Variants in NCAM2 observed in about 807,000 individuals in gnomAD.
The protein encoded by NCAM2 is neural cell adhesion molecule 2.
NCAM2 carries 30 observed loss-of-function variants against 98.1 expected under a neutral mutation model. The ratio of observed to expected loss-of-function variants is 0.31; its 90% CI spans 0.23 to 0.41. The LOEUF (loss-of-function observed/expected upper bound fraction) is 0.41. Ranked by LOEUF, NCAM2 falls within the 10% of genes least tolerant of loss-of-function variation. NCAM2 has a pLI of 1.00. For missense variants in NCAM2, 867 were observed against 1,005.8 expected (o/e 0.86, Z 1.87); for synonymous variants, 368 against 342.4 (o/e 1.07, Z -0.83).
chr21:21,004,447 G>T (rs577333917), intron 1 of NCAM2, among the ~76,000 whole-genome samples: 3 of 152,094 alleles, frequency 2.0e-5, no homozygotes, highest in African/African-American at 7.2e-5. Context: ...CTGGAACTGG[G>T]AGTAGATTTT....
Position 21,438,550 on chromosome 21 carries a change from A to T in NCAM2, c.1654+6269A>T, listed in dbSNP as rs1167116420. On this transcript the variant is annotated intron_variant, in intron 12 of 17. Transcript: ENST00000400546. ...AACCAGTCACATATCAACAACTCGA[A>T]CTATAGAGATATAGAATGTGAGTCA... Among the ~76,000 whole-genome samples, 3 of 152,226 alleles carry T rather than the reference A, an allele frequency of 2.0e-5. No individual in the cohort carries two copies. The East Asian group carries it at 5.8e-4, about 29-fold the overall frequency.
chr21:21,535,350 A>G (rs1989925810), intron 17 of NCAM2, among the ~76,000 whole-genome samples: 2 of 152,132 alleles, frequency 1.3e-5, no homozygotes, highest in South Asian at 2.1e-4. Flanking sequence ...TAACAAAACC[A>G]TGGTGGTCAC....
At chr21:21,199,484 G>C (rs1305944302) in intron 1 of NCAM2, among the ~76,000 whole-genome samples, 1 of 152,294 alleles carries the variant, frequency 6.6e-6, no homozygotes, top group East Asian at 1.9e-4. Context: ...CCAGGCCCAA[G>C]GGAGCAAGAC....
rs1432557332 is a variant in NCAM2 at position 21,244,975 on chromosome 21, G to A, written c.56-35603G>A. Among the ~76,000 whole-genome samples the A allele has an allele frequency of 2.0e-5, 3 of 151,700 alleles. 1 individual carries two copies. Among genetic ancestry groups the A allele is most frequent in the African/African-American group, 4.8e-5 (2 of 41,308 alleles). Reference sequence around the variant, plus strand: ...CTGTAACACACAGAACCAGAAGTCCGAATTCTTCAAATCAAGATAGACATA... The same window carrying A: ...CTGTAACACACAGAACCAGAAGTCCAAATTCTTCAAATCAAGATAGACATA... On this transcript the variant is annotated intron_variant, in intron 1 of 17. Coordinates refer to ENST00000400546, the MANE Select transcript of NCAM2 (RefSeq NM_004540.5).
Position 21,286,408 on chromosome 21 carries a change from C to T in NCAM2, c.477C>T (p.Ser159=), listed in dbSNP as rs760416040. 51 of 1,611,306 alleles carry T rather than the reference C, an allele frequency of 3.2e-5. No individual in the cohort carries two copies. Among genetic ancestry groups the T allele is most frequent in the South Asian group, 2.0e-4 (18 of 90,888 alleles). The change falls in exon 4 of 18, where the codon TCC becomes TCT. Residue 159 remains serine (S), a synonymous_variant. Transcript: ENST00000400546. ...ATAATGAGGAAGTCACCACTATTTC[C>T]GACAGTTAGTATTTTGGTAACTCCC... The part of the protein sequence containing the change: ...LYHNEEVTTI[S]DNRFAMLANN...
intron 15 of NCAM2, among the ~76,000 whole-genome samples, chr21:21,481,241 T>C (rs1985854080): frequency 6.6e-6 from 1 of 151,796 alleles, no homozygotes; most frequent in Non-Finnish European, 1.5e-5. Flanking sequence ...AGTTAAGAAC[T>C]GAGTTCCAAG....
chr21:21,226,350 A>T (rs1228983818), intron 1 of NCAM2, among the ~76,000 whole-genome samples: 2 of 152,130 alleles, frequency 1.3e-5, no homozygotes, highest in Non-Finnish European at 2.9e-5. Flanking sequence ...TGGATTTCAG[A>T]ATAGGCAACA....
At chr21:21,155,877 T>C (rs945970463) in intron 1 of NCAM2, among the ~76,000 whole-genome samples, 1 of 152,042 alleles carries the variant, frequency 6.6e-6, no homozygotes, top group African/African-American at 2.4e-5. Context: ...CAGAAAATAC[T>C]AGCAGATACT....
chr21:21,401,038 G>T (rs1200842668), intron 9 of NCAM2, among the ~76,000 whole-genome samples: 1 of 152,142 alleles, frequency 6.6e-6, no homozygotes, highest in Non-Finnish European at 1.5e-5. Context: ...AAACTTAAAA[G>T]CAGAAACTCA....
intron 1 of NCAM2, among the ~76,000 whole-genome samples, chr21:21,253,758 A>G (rs866232400): frequency 1.9e-4 from 29 of 152,198 alleles, no homozygotes; most frequent in Non-Finnish European, 3.2e-4. Context: ...TACACTAGAA[A>G]AGTATTCAAA....
intron 15 of NCAM2, among the ~76,000 whole-genome samples, chr21:21,508,511 T>A (rs1482133431): frequency 6.6e-6 from 1 of 152,026 alleles, no homozygotes; most frequent in African/African-American, 2.4e-5. Flanking sequence ...AGGGATATGA[T>A]AATATTCATT....
chr21:21,107,314 A>G (rs1012101481), intron 1 of NCAM2, among the ~76,000 whole-genome samples: 1 of 152,128 alleles, frequency 6.6e-6, no homozygotes, highest in Non-Finnish European at 1.5e-5. Context: ...GATCTAGTAA[A>G]TGGTGGTGCA....
In NCAM2 at chr21:21,480,385, A is replaced by AG. The variant is rs1044493279; in HGVS notation, c.2077+2914_2077+2915insG. On this transcript the variant is annotated intron_variant, in intron 15 of 17. Transcript: ENST00000400546. ...CCATCTCAAAAAAAAAAAAAAAAAAAAAGAATAACTGCAACTAAGAGAGAT... is the reference window on the plus strand; with the variant it reads ...CCATCTCAAAAAAAAAAAAAAAAAAAGAAGAATAACTGCAACTAAGAGAGAT... 4.0e-4 allele frequency among the ~76,000 whole-genome samples: 60 copies of AG among 151,152 alleles called. No individual in the cohort carries two copies. In the East Asian group the frequency reaches 0.01, roughly 26 times the overall value.
chr21:21,103,600 A>G (rs2066287399), intron 1 of NCAM2, among the ~76,000 whole-genome samples: 1 of 152,128 alleles, frequency 6.6e-6, no homozygotes, highest in South Asian at 2.1e-4. Flanking sequence ...TCGAGGGAAA[A>G]AAATCCATAA....
At chr21:21,352,203 T>G (rs537984323) in intron 8 of NCAM2, among the ~76,000 whole-genome samples, 1 of 152,322 alleles carries the variant, frequency 6.6e-6, no homozygotes, top group South Asian at 2.1e-4. Flanking sequence ...GTAGCAGGAC[T>G]ACAGGCACAT....
intron 9 of NCAM2, among the ~76,000 whole-genome samples, chr21:21,384,449 T>C (rs1184140681): frequency 6.6e-6 from 1 of 151,846 alleles, no homozygotes; most frequent in Non-Finnish European, 1.5e-5. Flanking sequence ...ATAGTATTTC[T>C]TTACATACAT....
intron 9 of NCAM2, among the ~76,000 whole-genome samples, chr21:21,402,446 A>G (rs923268227): frequency 6.6e-6 from 1 of 152,124 alleles, no homozygotes; most frequent in Non-Finnish European, 1.5e-5. Context: ...ATTTGAGGTC[A>G]GACTGGTTCT....
chr21:21,318,612 T>C (rs148450527), intron 5 of NCAM2, among the ~76,000 whole-genome samples: 2,633 of 152,316 alleles, frequency 0.017, 76 homozygotes, highest in African/African-American at 0.06. Context: ...AATTGTATAA[T>C]GTCTACTGAG....
At chr21:21,024,679 C>T (rs2064505482) in intron 1 of NCAM2, among the ~76,000 whole-genome samples, 1 of 152,082 alleles carries the variant, frequency 6.6e-6, no homozygotes, top group African/African-American at 2.4e-5. Flanking sequence ...AGTTCGAGAC[C>T]AGCCTGGCCA....
Sources: gnomAD v4.1 joint callset for allele counts (sites outside exome capture counted in the v4.1 genomes callset) on GRCh38, gnomAD v4.1.1 for gene constraint, MANE v1.5 for transcripts, NCBI Gene and HGNC (gene_info 2026-07-23, HGNC 2026-07-21) for gene names.